DCDC1: variants seen among roughly 807,000 people sequenced by gnomAD.
DCDC1 encodes doublecortin domain containing 1.
DCDC1 carries 200 observed loss-of-function variants against 178.3 expected under a neutral mutation model. The observed-to-expected ratio is 1.12, with a 90% CI of 1.00 to 1.26. The LOEUF (loss-of-function observed/expected upper bound fraction) is 1.26. DCDC1 is among the 50% of genes most tolerant of loss of function. DCDC1 has a pLI of 0.00. For synonymous variants in DCDC1, 690 were observed against 604.8 expected (o/e 1.14, Z -2.07); for missense variants, 1,983 against 1,749.2 (o/e 1.13, Z -2.38).
intron 24 of DCDC1, 110 bp downstream of exon 24, chr11:30,922,393 G>A: frequency 7.9e-7 from 1 of 1,261,778 alleles, no homozygotes; most frequent in Non-Finnish European, 1.0e-6. Context: ...ACAGCAAGAT[G>A]CAGAGGTGAA....
chr11:30,968,900 T>C (rs1462525362), intron 20 of DCDC1, among the ~76,000 whole-genome samples: 5 of 147,348 alleles, frequency 3.4e-5, no homozygotes, highest in Admixed American at 1.3e-4. Flanking sequence ...TGAGATAACA[T>C]AAATAAACAC....
At chr11:31,218,972 C>T (rs914398271) in intron 9 of DCDC1, among the ~76,000 whole-genome samples, 2 of 152,120 alleles carry the variant, frequency 1.3e-5, no homozygotes, top group African/African-American at 4.8e-5. Context: ...GATTCTCATG[C>T]ATGGCTTGAA....
chr11:31,096,321 G>T (rs1958149274), intron 15 of DCDC1, among the ~76,000 whole-genome samples: 1 of 152,112 alleles, frequency 6.6e-6, no homozygotes, highest in Non-Finnish European at 1.5e-5. Flanking sequence ...TTTGCCACAG[G>T]ACTCAGCATT....
intron 10 of DCDC1, among the ~76,000 whole-genome samples, chr11:31,131,657 A>G (rs553106139): frequency 1.3e-5 from 2 of 152,216 alleles, no homozygotes; most frequent in Non-Finnish European, 2.9e-5. Flanking sequence ...GGCCCTAAAT[A>G]GAAGGACTCC....
intron 3 of DCDC1, among the ~76,000 whole-genome samples, chr11:31,308,174 C>T (rs1398530493): frequency 6.6e-6 from 1 of 152,166 alleles, no homozygotes; most frequent in Non-Finnish European, 1.5e-5. Context: ...AATTTGAACC[C>T]AAGCCTGTCC....
intron 36 of DCDC1, among the ~76,000 whole-genome samples, chr11:30,892,041 C>A: frequency 6.6e-6 from 1 of 152,106 alleles, no homozygotes; most frequent in South Asian, 2.1e-4. Flanking sequence ...TCACTTGTCC[C>A]AGAAAAATTC....
chr11:31,265,622 T>C (rs1945100515), intron 7 of DCDC1, 22 bp from the exon 8 acceptor site: 1 of 1,222,784 alleles, frequency 8.2e-7, no homozygotes, highest in Admixed American at 2.9e-5. Context: ...AAAAAAATTA[T>C]AAATAATTTA....
In DCDC1 at chr11:31,344,761, A is replaced by G. The variant is rs557723819; in HGVS notation, c.-124-9197T>C. 2.0e-5 allele frequency among the ~76,000 whole-genome samples: 3 copies of G among 152,340 alleles called. No homozygotes were observed. In the East Asian group the frequency reaches 5.8e-4, roughly 29 times the overall value. Reference sequence around the variant, plus strand: ...CAATTTCTAGATTCTTGCCTTCTATATATAGGCACTTTAAAAGAATACATC... The same window carrying G: ...CAATTTCTAGATTCTTGCCTTCTATGTATAGGCACTTTAAAAGAATACATC... On this transcript the variant is annotated intron_variant, in intron 1 of 38. Coordinates refer to ENST00000684477, the MANE Select transcript of DCDC1 (RefSeq NM_001387274.1).
At chr11:31,312,121 A>T (rs1275516599) in intron 3 of DCDC1, among the ~76,000 whole-genome samples, 1 of 152,128 alleles carries the variant, frequency 6.6e-6, no homozygotes, top group Non-Finnish European at 1.5e-5. Context: ...TTCTCTCAAC[A>T]GTTCCATCAG....
chr11:30,866,826 T>C (rs1941024048), intron 38 of DCDC1, among the ~76,000 whole-genome samples: 2 of 152,076 alleles, frequency 1.3e-5, no homozygotes, highest in South Asian at 2.1e-4. Flanking sequence ...TGCAACAACG[T>C]TGGGAAGTGG....
Position 31,110,316 on chromosome 11 carries a change from T to G in DCDC1, c.1531A>C (p.Ser511Arg). ...KNTGEISVGI[S>R]KKDLGSDSPI... ...CTATCCGATCCCAAATCTTTTTTAC[T>G]GATACCAACAGAGATCTCTCCAGTG... Residue 511 changes from serine to arginine, a missense_variant, in exon 12 of 39, where the codon AGT becomes CGT. Transcript: ENST00000684477. 4 of 710,984 alleles carry G rather than the reference T, an allele frequency of 5.6e-6. No individual in the cohort carries two copies. Among genetic ancestry groups the G allele is most frequent in the Non-Finnish European group, 1.0e-5 (4 of 387,702 alleles). The allele number at this position is 710,984 out of a possible 1,614,324, so 44.0% of individuals were successfully genotyped here.
intron 20 of DCDC1, among the ~76,000 whole-genome samples, chr11:31,015,171 A>G (rs1279858963): frequency 6.6e-6 from 1 of 151,868 alleles, no homozygotes; most frequent in Non-Finnish European, 1.5e-5. Flanking sequence ...GGTGGTCTCG[A>G]TCTCCTGACC....
At chr11:31,157,347 C>A (rs1465500676) in intron 9 of DCDC1, among the ~76,000 whole-genome samples, 2 of 111,308 alleles carry the variant, frequency 1.8e-5, no homozygotes, top group Admixed American at 9.7e-5. Flanking sequence ...AAGAGCAAGA[C>A]CCTTTCTCAA....
rs1491381414 is a variant in DCDC1, at chr11:31,038,074, TTG to T, written c.2591+26393_2591+26394del. ...GAACATCACGCACTGGGGCCTGTTG[TTG>T]GGGGAGGGGGGAGGGATAGCATTAG... On this transcript the variant is annotated intron_variant, in intron 20 of 38. Transcript: ENST00000684477. Among the ~76,000 whole-genome samples the T allele has an allele frequency of 3.9e-3, 374 of 95,704 alleles. 2 individuals are homozygous for T. The highest frequency in any genetic ancestry group is 6.1e-3 in the Non-Finnish European group (282 of 46,112). The allele number at this position is 95,704 out of a possible 152,430, so 62.8% of individuals were successfully genotyped here. A position where few individuals can be genotyped will look rare whatever the true frequency, so the allele number is the denominator to read the frequency against.
At chr11:31,360,583 T>G (rs1440165962) in intron 1 of DCDC1, among the ~76,000 whole-genome samples, 1 of 152,192 alleles carries the variant, frequency 6.6e-6, no homozygotes, top group Non-Finnish European at 1.5e-5. Flanking sequence ...AATAAAGTTA[T>G]GTGACTCTGT....
In DCDC1 at chr11:31,115,989, G is replaced by C. The variant is rs1014576577; in HGVS notation, c.1486-5628C>G. On this transcript the variant is annotated intron_variant, in intron 11 of 38. Coordinates refer to ENST00000684477, the MANE Select transcript of DCDC1 (RefSeq NM_001387274.1). ...GGATATAGCTGTGGCAGTGGGGGGG[G>C]GGGGGATGGGTATCTCAGTCCTGAG... Among the ~76,000 whole-genome samples, 39 of 134,542 alleles carry C rather than the reference G, an allele frequency of 2.9e-4. 1 individual carries two copies. The highest frequency in any genetic ancestry group is 9.4e-4 in the African/African-American group (36 of 38,362). 88.3% of individuals were successfully genotyped at this position (134,542 alleles called of 152,430 possible).
At chr11:30,931,200 G>A (rs1946901826) in intron 22 of DCDC1, among the ~76,000 whole-genome samples, 1 of 151,984 alleles carries the variant, frequency 6.6e-6, no homozygotes, top group Non-Finnish European at 1.5e-5. Context: ...TTTCTCCAAT[G>A]TTGGAGAAAA....
In DCDC1 at chr11:30,922,570, T is replaced by C; in HGVS notation, c.3066A>G (p.Ile1022Met). 6.3e-7 allele frequency: 1 copy of C among 1,588,426 alleles called. No homozygotes were observed. Among genetic ancestry groups the C allele is most frequent in the Non-Finnish European group, 8.5e-7 (1 of 1,171,162 alleles). Residue 1022 changes from isoleucine (I) to methionine (M), a missense_variant, in exon 24 of 39, where the codon ATA (isoleucine) becomes ATG (methionine). By Grantham distance (10) the Ile-to-Met change is conservative. Coordinates refer to ENST00000684477, the MANE Select transcript of DCDC1 (RefSeq NM_001387274.1). Reference protein sequence around the residue: ...DLSIAQQKKQIFLRNLESDIA... With the variant: ...DLSIAQQKKQMFLRNLESDIA... Reference sequence around the variant, plus strand: ...TGTCTGATTCTAGGTTCCTCAGGAATATTTGTTTCTTTTGCTGAGCAATGG... The same window carrying C: ...TGTCTGATTCTAGGTTCCTCAGGAACATTTGTTTCTTTTGCTGAGCAATGG...
At chr11:31,132,134 G>T (rs1464944424) in intron 10 of DCDC1, among the ~76,000 whole-genome samples, 3 of 152,292 alleles carry the variant, frequency 2.0e-5, no homozygotes, top group Admixed American at 6.5e-5. Flanking sequence ...ATTATCACCT[G>T]ATTTTTAAAA....
Sources: allele counts gnomAD v4.1 joint callset (sites outside exome capture counted in the v4.1 genomes callset), GRCh38; gene constraint gnomAD v4.1.1; transcripts MANE v1.5; gene names NCBI Gene and HGNC (gene_info 2026-07-23, HGNC 2026-07-21).